The following CDC42BPA variants were observed in gnomAD, a reference collection of about 807,000 sequenced individuals.
CDC42BPA encodes serine/threonine-protein kinase MRCK alpha.
CDC42BPA carries 80 observed loss-of-function variants against 223.5 expected under a neutral mutation model. That is an observed-to-expected ratio of 0.36 (90% confidence interval 0.30 to 0.43). The LOEUF (loss-of-function observed/expected upper bound fraction) is 0.43. CDC42BPA is among the 20% of genes least tolerant of loss of function. The probability of loss-of-function intolerance (pLI) is 1.00; values close to 1 mark genes in which losing one functional copy is unlikely to be tolerated. For missense variants in CDC42BPA, 1,743 were observed against 2,099.9 expected (o/e 0.83, Z 3.32); for synonymous variants, 694 against 718.6 (o/e 0.97, Z 0.55).
intron 21 of CDC42BPA, among the ~76,000 whole-genome samples, chr1:227,062,528 TGCTTAAGGGCAGGAAATATTAC>T (rs1445086311): frequency 2.0e-5 from 3 of 152,168 alleles, no homozygotes; most frequent in South Asian, 2.1e-4. Flanking sequence ...TATTGTATTA[TGCTTAAGGGCAGGAAATATTAC>T]GCTTAAGGGC....
chr1:227,235,130 T>A (rs1678758031), intron 2 of CDC42BPA: 1 of 152,154 alleles, frequency 6.6e-6, no homozygotes, highest in African/African-American at 2.4e-5. Context: ...GCAATCAAAG[T>A]CTGAAGGGTC....
At chr1:227,200,559 CT>C (rs1304184572) in intron 3 of CDC42BPA, among the ~76,000 whole-genome samples, 1 of 144,660 alleles carries the variant, frequency 6.9e-6, no homozygotes, top group Non-Finnish European at 1.5e-5. Flanking sequence ...GACTGTTCTT[CT>C]TTTAACTGCT....
chr1:227,300,140 T>G, intron 1 of CDC42BPA, among the ~76,000 whole-genome samples: 1 of 152,098 alleles, frequency 6.6e-6, no homozygotes, highest in South Asian at 2.1e-4. Context: ...ATAAGGCACC[T>G]CTCATTATTA....
chr1:227,169,116 CATTTG>C (rs1247322806), intron 5 of CDC42BPA, among the ~76,000 whole-genome samples: 3 of 151,786 alleles, frequency 2.0e-5, no homozygotes, highest in South Asian at 2.1e-4. Context: ...CTAGAATTTC[CATTTG>C]ATTTGTTTCT....
intron 16 of CDC42BPA, among the ~76,000 whole-genome samples, chr1:227,090,552 T>TGTAATCCCAGCATTTTGG (rs1265358346): frequency 1.3e-5 from 2 of 152,202 alleles, no homozygotes; most frequent in Non-Finnish European, 2.9e-5. Context: ...GGCTCACGCC[T>TGTAATCCCAGCATTTTGG]GTAATCCCAG....
At chr1:227,140,687 G>C (rs76897971) in intron 9 of CDC42BPA, among the ~76,000 whole-genome samples, 8,201 of 152,248 alleles carry the variant, frequency 0.054, 247 homozygotes, top group Non-Finnish European at 0.073. Context: ...TTGGGGATGG[G>C]TGGACTGGTT....
chr1:227,316,975 TAACA>T, intron 1 of CDC42BPA, 26 bp downstream of exon 1: 2 of 1,526,838 alleles, frequency 1.3e-6, no homozygotes, highest in Non-Finnish European at 9.1e-7. Flanking sequence ...AGCTAAAGAT[TAACA>T]GTTTCTTTAA....
intron 1 of CDC42BPA, among the ~76,000 whole-genome samples, chr1:227,307,056 A>C (rs943434309): frequency 6.6e-6 from 1 of 151,870 alleles, no homozygotes; most frequent in Non-Finnish European, 1.5e-5. Context: ...TTCTGTACCA[A>C]TGGTTAGAGA....
chr1:227,151,981 G>A (rs1296110516), intron 6 of CDC42BPA, among the ~76,000 whole-genome samples: 2 of 150,970 alleles, frequency 1.3e-5, no homozygotes, highest in African/African-American at 2.4e-5. Context: ...CCGAGATCAC[G>A]CCACTGACAC....
Position 227,318,016 on chromosome 1 carries a change from G to C in CDC42BPA, c.-834C>G. On this transcript the variant is annotated 5_prime_UTR_variant, in exon 1 of 37. Transcript: ENST00000366766. ...ACTGGCACCGGGCTCCGGAGAAGCG[G>C]CTACTTGGCCGCCCGAGCCCACTCC... 2.7e-6 allele frequency: 1 copy of C among 374,148 alleles called. No individual in the cohort carries two copies. Among genetic ancestry groups the C allele is most frequent in the Non-Finnish European group, 4.7e-6 (1 of 210,994 alleles). The allele number at this position is 374,148 out of a possible 1,614,324, so 23.2% of individuals were successfully genotyped here.
chr1:227,102,930 C>T (rs1685291817), intron 14 of CDC42BPA, among the ~76,000 whole-genome samples: 1 of 151,906 alleles, frequency 6.6e-6, no homozygotes, highest in South Asian at 2.1e-4. Flanking sequence ...AGTAATAATT[C>T]CAAATACTAC....
In CDC42BPA at chr1:227,040,118, T is replaced by G; in HGVS notation, c.3199+13A>C. ...GATAGTGAAGTCACATTTTCTTTCC[T>G]TTGTGTTCTTACCTTCACATGAACA... On this transcript the variant is annotated intron_variant, in intron 24 of 36. Coordinates refer to ENST00000366766, the MANE Select transcript of CDC42BPA (RefSeq NM_001394014.1). 1 of 1,470,768 alleles carries G rather than the reference T, an allele frequency of 6.8e-7. No individual in the cohort carries two copies. Among genetic ancestry groups the G allele is most frequent in the Non-Finnish European group, 9.5e-7 (1 of 1,049,700 alleles). 91.1% of individuals were successfully genotyped at this position (1,470,768 alleles called of 1,614,324 possible). A position where few individuals can be genotyped will look rare whatever the true frequency, so the allele number is the denominator to read the frequency against.
At chr1:227,119,767 A>G in intron 12 of CDC42BPA, 37 bp downstream of exon 12, 1 of 1,368,582 alleles carries the variant, frequency 7.3e-7, no homozygotes, top group Non-Finnish European at 1.0e-6. Context: ...GATTCAAAAT[A>G]GAGAAAAAGC....
At chr1:227,270,706 C>T (rs1022465611) in intron 1 of CDC42BPA, among the ~76,000 whole-genome samples, 2 of 152,158 alleles carry the variant, frequency 1.3e-5, no homozygotes, top group Non-Finnish European at 1.5e-5. Flanking sequence ...CCACACAGAA[C>T]TCTGTAAACA....
chr1:227,002,609 C>T (rs1663100433), intron 35 of CDC42BPA, among the ~76,000 whole-genome samples: 3 of 152,226 alleles, frequency 2.0e-5, no homozygotes, highest in Admixed American at 6.5e-5. Flanking sequence ...TGATACAGCA[C>T]TCCTGAGGTT....
chr1:227,148,949 T>C (rs564738494), intron 6 of CDC42BPA, among the ~76,000 whole-genome samples: 1 of 152,182 alleles, frequency 6.6e-6, no homozygotes, highest in South Asian at 2.1e-4. Context: ...TTGGTTTTCA[T>C]TTCCTAGGTA....
chr1:227,052,755 T>C (rs1487793181), intron 21 of CDC42BPA, among the ~76,000 whole-genome samples: 1 of 152,146 alleles, frequency 6.6e-6, no homozygotes, highest in Admixed American at 6.6e-5. Flanking sequence ...TCACAAATCA[T>C]AAAAACACCA....
intron 17 of CDC42BPA, among the ~76,000 whole-genome samples, 162 bp downstream of exon 17, chr1:227,080,731 A>G (rs1680460076): frequency 6.6e-6 from 1 of 152,324 alleles, no homozygotes; most frequent in East Asian, 1.9e-4. Context: ...AAAACACAGT[A>G]GAACACAACA....
chr1:227,294,803 T>C lies in CDC42BPA; in HGVS notation c.178+22202A>G, dbSNP rs959361391. 7.8e-4 allele frequency among the ~76,000 whole-genome samples: 47 copies of C among 60,552 alleles called. 5 individuals carry two copies. Among genetic ancestry groups the C allele is most frequent in the African/African-American group, 3.3e-3 (46 of 13,946 alleles). 39.7% of individuals were successfully genotyped at this position (60,552 alleles called of 152,430 possible). ...TGAACCCGGGAGGCGGAGCTTGCAGTGAGCCGAGATCGCGCCACTGCACTC... is the reference window on the plus strand; with the variant it reads ...TGAACCCGGGAGGCGGAGCTTGCAGCGAGCCGAGATCGCGCCACTGCACTC... On this transcript the variant is annotated intron_variant, in intron 1 of 36. Transcript: ENST00000366766.
Sources: gnomAD v4.1 joint callset for allele counts (sites outside exome capture counted in the v4.1 genomes callset) on GRCh38, gnomAD v4.1.1 for gene constraint, MANE v1.5 for transcripts, NCBI Gene and HGNC (gene_info 2026-07-23, HGNC 2026-07-21) for gene names.